Variants in RAD18 observed in about 807,000 individuals in gnomAD.
RAD18 encodes the protein E3 ubiquitin-protein ligase RAD18.
RAD18 carries 47 observed loss-of-function variants against 60.4 expected under a neutral mutation model. The ratio of observed to expected loss-of-function variants is 0.78; its 90% CI spans 0.62 to 0.99. RAD18 has a LOEUF of 0.99. Ranked by LOEUF, RAD18 falls within the 50% of genes least tolerant of loss-of-function variation. The probability of loss-of-function intolerance (pLI) is 0.00; values close to 1 mark genes in which losing one functional copy is unlikely to be tolerated. For synonymous variants in RAD18, 225 were observed against 195.5 expected (o/e 1.15, Z -1.26); for missense variants, 640 against 593.3 (o/e 1.08, Z -0.82).
chr3:8,910,477 G>A (rs1191183056), intron 9 of RAD18, among the ~76,000 whole-genome samples: 1 of 152,074 alleles, frequency 6.6e-6, no homozygotes, highest in Non-Finnish European at 1.5e-5. Context: ...GCAGGCGCCT[G>A]TACTCAGGAG....
At position 8,880,860 on chromosome 3, in the gene RAD18, G is replaced by A. The variant is rs1939447319; in HGVS notation, c.*497C>T. On this transcript the variant is annotated 3_prime_UTR_variant, in exon 13 of 13. Coordinates refer to ENST00000264926, the MANE Select transcript of RAD18 (RefSeq NM_020165.4). ...CATGGAGCTGCTGTAACACAGGCATGGTGGTGGCGTGCATCGGTACTTACA... is the reference window on the plus strand; with the variant it reads ...CATGGAGCTGCTGTAACACAGGCATAGTGGTGGCGTGCATCGGTACTTACA... The A allele has an allele frequency of 6.5e-6, 1 of 153,182 alleles. No homozygotes were observed. Among genetic ancestry groups the A allele is most frequent in the Non-Finnish European group, 1.5e-5 (1 of 68,784 alleles). The allele number at this position is 153,182 out of a possible 1,614,324, so 9.5% of individuals were successfully genotyped here. A position where few individuals can be genotyped will look rare whatever the true frequency, so the allele number is the denominator to read the frequency against.
chr3:8,886,435 A>G (rs1939567199), intron 12 of RAD18, among the ~76,000 whole-genome samples: 1 of 152,156 alleles, frequency 6.6e-6, no homozygotes, highest in Admixed American at 6.5e-5. Flanking sequence ...TTTTGTTTTT[A>G]GTTTACAGTG....
intron 12 of RAD18, among the ~76,000 whole-genome samples, chr3:8,886,772 G>A (rs11711921): frequency 0.07 from 10,629 of 152,280 alleles, 497 homozygotes; most frequent in South Asian, 0.14. Flanking sequence ...AAGCAGCGGC[G>A]TGTGCAAAGG....
intron 2 of RAD18, among the ~76,000 whole-genome samples, chr3:8,955,334 C>T (rs1458560548): frequency 1.3e-5 from 2 of 152,142 alleles, no homozygotes; most frequent in Non-Finnish European, 2.9e-5. Context: ...CAAGAGCTGG[C>T]CAGAGGACTG....
Position 8,890,308 on chromosome 3 carries a change from A to AT in RAD18, c.1385+80dup, listed in dbSNP as rs569859101. ...CTTTAAACCAGAAAGCAAAAATATA[A>AT]TTTTGTTTGAAAATCAGCTGCATAG... On this transcript the variant is annotated intron_variant, in intron 12 of 12. Transcript: ENST00000264926. The AT allele has an allele frequency of 7.8e-4, 880 of 1,135,076 alleles. 9 individuals carry two copies. The South Asian group carries it at 9.6e-3, about 12-fold the overall frequency. The allele number at this position is 1,135,076 out of a possible 1,614,324, so 70.3% of individuals were successfully genotyped here.
At chr3:8,882,230 C>G (rs967704954) in intron 12 of RAD18, among the ~76,000 whole-genome samples, 2 of 152,194 alleles carry the variant, frequency 1.3e-5, no homozygotes, top group African/African-American at 2.4e-5. Flanking sequence ...CCCCCTGGGG[C>G]TCTAGCAAAG....
chr3:8,909,070 G>C (rs1940062813), intron 9 of RAD18, among the ~76,000 whole-genome samples: 1 of 152,158 alleles, frequency 6.6e-6, no homozygotes, highest in Non-Finnish European at 1.5e-5. Context: ...AGATAGGGGG[G>C]TCAGAGGCAA....
At chr3:8,959,565 T>G (rs1456085265) in intron 1 of RAD18, among the ~76,000 whole-genome samples, 1 of 152,132 alleles carries the variant, frequency 6.6e-6, no homozygotes. Flanking sequence ...GCTTTCGGCA[T>G]GGTACTACAC....
Position 8,963,420 on chromosome 3 carries a change from A to C in RAD18, c.-35T>G, listed in dbSNP as rs571753483. 2.6e-5 allele frequency: 41 copies of C among 1,560,982 alleles called. No homozygotes were observed. The East Asian group carries it at 5.3e-4, about 20-fold the overall frequency. On this transcript the variant is annotated 5_prime_UTR_variant, in exon 1 of 13. Transcript: ENST00000264926. ...CGAGGATGCTGGGGGTCAGCCACCC[A>C]CTAGCCTCCGGCGCTCCAACACCAC...
intron 9 of RAD18, among the ~76,000 whole-genome samples, chr3:8,904,929 G>A (rs1475716835): frequency 6.6e-6 from 1 of 152,146 alleles, no homozygotes; most frequent in Non-Finnish European, 1.5e-5. Flanking sequence ...TAAAATCCCA[G>A]ATTTAAATCT....
At chr3:8,918,878 T>C (rs1010305008) in intron 7 of RAD18, among the ~76,000 whole-genome samples, 4 of 152,122 alleles carry the variant, frequency 2.6e-5, no homozygotes, top group African/African-American at 9.7e-5. Context: ...TGTCCTCCCA[T>C]AGCAACAATG....
intron 11 of RAD18, among the ~76,000 whole-genome samples, chr3:8,898,645 A>G (rs1370747462): frequency 6.6e-6 from 1 of 152,052 alleles, no homozygotes; most frequent in Non-Finnish European, 1.5e-5. Flanking sequence ...TTCTTTTCCA[A>G]CGGTAGGAAA....
intron 7 of RAD18, among the ~76,000 whole-genome samples, chr3:8,915,513 C>G (rs941003353): frequency 4.0e-5 from 6 of 151,866 alleles, no homozygotes; most frequent in African/African-American, 1.5e-4. Context: ...CAAGGGTGAG[C>G]TACCATGAAA....
chr3:8,950,661 A>C (rs1159938405), intron 2 of RAD18, among the ~76,000 whole-genome samples: 2 of 152,222 alleles, frequency 1.3e-5, no homozygotes, highest in Non-Finnish European at 2.9e-5. Context: ...GGAAAAACAC[A>C]CAGTTTGAAG....
At chr3:8,888,457 C>T (rs189695825) in intron 12 of RAD18, among the ~76,000 whole-genome samples, 27 of 152,310 alleles carry the variant, frequency 1.8e-4, no homozygotes, top group African/African-American at 4.8e-4. Flanking sequence ...ATGGTATGTT[C>T]TAAGACTAAC....
intron 12 of RAD18, chr3:8,890,182 T>C: frequency 1.8e-6 from 1 of 556,400 alleles, no homozygotes; most frequent in Non-Finnish European, 3.2e-6. Flanking sequence ...TAACATCTGA[T>C]ACATAACTAC....
chr3:8,920,131 C>A (rs1227779607), intron 7 of RAD18, among the ~76,000 whole-genome samples: 1 of 151,836 alleles, frequency 6.6e-6, no homozygotes, highest in African/African-American at 2.4e-5. Flanking sequence ...AAATACAAAA[C>A]ATTAGCCAGG....
Position 8,943,418 on chromosome 3 carries a change from CT to C in RAD18, c.267-1615del, listed in dbSNP as rs1402518746. Among the ~76,000 whole-genome samples, 10 of 151,826 alleles carry C rather than the reference CT, an allele frequency of 6.6e-5. No individual in the cohort carries two copies. In the East Asian group the frequency reaches 1.9e-3, roughly 29 times the overall value. ...AAAGAATAAAATGAACATTCTACAACTGCAAAATACCATATCTAAATTGGAT... is the reference window on the plus strand; with the variant it reads ...AAAGAATAAAATGAACATTCTACAACGCAAAATACCATATCTAAATTGGAT... On this transcript the variant is annotated intron_variant, in intron 4 of 12. Coordinates refer to ENST00000264926, the MANE Select transcript of RAD18 (RefSeq NM_020165.4).
rs560854411 is a variant in RAD18, at chr3:8,881,390, C to G, written c.1455G>C (p.Glu485Asp). 3 of 1,612,570 alleles carry G rather than the reference C, an allele frequency of 1.9e-6. No individual in the cohort carries two copies. In the South Asian group the frequency reaches 3.3e-5, roughly 18 times the overall value. ...NRRTRAAESA[E>D]IEPRNKRNRN is the part of the protein sequence containing the mutation. ...TATTACGCTTGTTTCTTGGTTCAAT[C>G]TCAGCACTTTCAGCGGCTCTTGTGC... Residue 485 changes from glutamate to aspartate, a missense_variant, in exon 13 of 13, where the codon GAG (glutamate) becomes GAC (aspartate). Transcript: ENST00000264926.
Sources: allele counts gnomAD v4.1 joint callset (sites outside exome capture counted in the v4.1 genomes callset), GRCh38; gene constraint gnomAD v4.1.1; transcripts MANE v1.5; gene names NCBI Gene and HGNC (gene_info 2026-07-23, HGNC 2026-07-21).